The following RIGI variants were observed in gnomAD, a reference collection of about 807,000 sequenced individuals.
The protein encoded by RIGI is RNA sensor RIG-I.
chr9:32,471,211 C>T, the RIGI span, among the ~76,000 whole-genome samples: 1 of 152,208 alleles, frequency 6.6e-6, no homozygotes, highest in African/African-American at 2.4e-5. Flanking sequence ...GAGTTCGTGC[C>T]ACTGCACTCT....
chr9:32,464,923 A>T, the RIGI span, among the ~76,000 whole-genome samples: 1 of 151,012 alleles, frequency 6.6e-6, no homozygotes, highest in Non-Finnish European at 1.5e-5. Context: ...TCCTCACCCC[A>T]CTCCTTATCC....
At chr9:32,510,163 C>T in the RIGI span, among the ~76,000 whole-genome samples, 1 of 152,164 alleles carries the variant, frequency 6.6e-6, no homozygotes, top group African/African-American at 2.4e-5. Flanking sequence ...GGAAAACTCT[C>T]GTCAGGATGT....
chr9:32,489,965 G>A, the RIGI span, among the ~76,000 whole-genome samples: 1 of 152,136 alleles, frequency 6.6e-6, no homozygotes, highest in Non-Finnish European at 1.5e-5. Context: ...ATAACAGGTA[G>A]GCATATAAAT....
the RIGI span, among the ~76,000 whole-genome samples, chr9:32,518,255 G>A: frequency 5.5e-4 from 84 of 152,136 alleles, no homozygotes; most frequent in African/African-American, 8.2e-4. Context: ...ACAAGTAGAC[G>A]AGAGAGATGT....
the RIGI span, among the ~76,000 whole-genome samples, chr9:32,496,142 T>C: frequency 6.6e-6 from 1 of 152,226 alleles, no homozygotes; most frequent in African/African-American, 2.4e-5. Flanking sequence ...TCTGATATCA[T>C]GTCCAAGAAA....
the RIGI span, among the ~76,000 whole-genome samples, chr9:32,516,997 A>T: frequency 6.6e-6 from 1 of 152,230 alleles, no homozygotes; most frequent in African/African-American, 2.4e-5. Context: ...AATTCAACAA[A>T]CAAATATTCT....
the RIGI span, among the ~76,000 whole-genome samples, chr9:32,469,538 T>C: frequency 6.6e-6 from 1 of 152,146 alleles, no homozygotes. Flanking sequence ...AAAGCCCGAG[T>C]GCACTTCCGA....
chr9:32,473,431 C>T, the RIGI span, among the ~76,000 whole-genome samples: 1 of 151,836 alleles, frequency 6.6e-6, no homozygotes, highest in Non-Finnish European at 1.5e-5. Context: ...GGATTACAGG[C>T]ATCAGCAACC....
the RIGI span, among the ~76,000 whole-genome samples, chr9:32,480,991 C>T: frequency 6.6e-6 from 1 of 152,204 alleles, no homozygotes; most frequent in South Asian, 2.1e-4. Flanking sequence ...ACAGAACTTT[C>T]CACTTGCTGA....
chr9:32,483,714 T>C, the RIGI span, among the ~76,000 whole-genome samples: 1 of 151,282 alleles, frequency 6.6e-6, no homozygotes, highest in African/African-American at 2.4e-5. Flanking sequence ...GCAGCCAAAA[T>C]CCTGCCCCAG....
chr9:32,467,878 T>C, the RIGI span: 1 of 1,613,404 alleles, frequency 6.2e-7, no homozygotes, highest in Non-Finnish European at 8.5e-7. Context: ...AATATTGTGA[T>C]CTCCACTGGC....
At chr9:32,468,004 A>C in the RIGI span, 1 of 1,375,714 alleles carries the variant, frequency 7.3e-7, no homozygotes, top group Non-Finnish European at 9.9e-7. Flanking sequence ...ACAGCTACTA[A>C]TTATGGAATG....
the RIGI span, chr9:32,473,093 G>C: frequency 2.0e-6 from 3 of 1,473,384 alleles, no homozygotes; most frequent in South Asian, 3.6e-5. Flanking sequence ...TTATCAATTG[G>C]ACACTCCTTA....
chr9:32,500,554 A>G, the RIGI span, among the ~76,000 whole-genome samples: 1 of 152,142 alleles, frequency 6.6e-6, no homozygotes, highest in Admixed American at 6.5e-5. Flanking sequence ...TAATTTTTGT[A>G]TACTGGTCTT....
chr9:32,516,786 T>C, the RIGI span, among the ~76,000 whole-genome samples: 29 of 152,232 alleles, frequency 1.9e-4, no homozygotes, highest in African/African-American at 6.5e-4. Context: ...AGTGTCTTTT[T>C]TGGGTACCAG....
At chr9:32,469,368 G>GC in the RIGI span, among the ~76,000 whole-genome samples, 19 of 152,302 alleles carry the variant, frequency 1.2e-4, no homozygotes, top group African/African-American at 4.6e-4. Context: ...ACTATGTTGG[G>GC]CCAATCCAAT....
the RIGI span, chr9:32,526,072 C>CA: frequency 6.2e-7 from 1 of 1,613,698 alleles, no homozygotes; most frequent in East Asian, 2.2e-5. Flanking sequence ...CTCCCTAAAC[C>CA]AGGGGGCCAT....
the RIGI span, among the ~76,000 whole-genome samples, chr9:32,508,531 T>C: frequency 6.6e-6 from 1 of 151,906 alleles, no homozygotes; most frequent in Non-Finnish European, 1.5e-5. Flanking sequence ...AGGGAAGCCA[T>C]GAGGGACTGT....
At chr9:32,476,858 G>A in the RIGI span, 1 of 823,504 alleles carries the variant, frequency 1.2e-6, no homozygotes, top group Middle Eastern at 2.8e-4. Context: ...TTGGCCCCAA[G>A]CAATTCTCCT....
Sources: allele counts gnomAD v4.1 joint callset (sites outside exome capture counted in the v4.1 genomes callset), GRCh38; gene constraint gnomAD v4.1.1; transcripts MANE v1.5; gene names NCBI Gene and HGNC (gene_info 2026-07-23, HGNC 2026-07-21).